RASGRP2: variants seen among roughly 807,000 people sequenced by gnomAD.
RASGRP2 encodes RAS guanyl releasing protein 2, also known as RAS guanyl-releasing protein 2.
Under a neutral mutation model 71.0 loss-of-function variants are expected in RASGRP2, and 44 were observed. The ratio of observed to expected loss-of-function variants is 0.62; its 90% CI spans 0.49 to 0.80. The LOEUF is 0.80. Ranked by LOEUF, RASGRP2 falls within the 30% of genes least tolerant of loss-of-function variation. RASGRP2 has a pLI of 0.00. For missense variants in RASGRP2, 663 were observed against 813.4 expected (o/e 0.82, Z 2.25); for synonymous variants, 350 against 330.7 (o/e 1.06, Z -0.63).
intron 5 of RASGRP2, chr11:64,740,610 C>A: frequency 1.5e-6 from 1 of 656,340 alleles, no homozygotes; most frequent in South Asian, 1.7e-5. Flanking sequence ...ACGGAGACTT[C>A]ATGCCTGAAC....
In RASGRP2 at chr11:64,743,144, C is replaced by G. The variant is rs755454406; in HGVS notation, c.-71-207G>C. The G allele has an allele frequency of 3.1e-6, 2 of 654,342 alleles. No homozygotes were observed. The highest frequency in any genetic ancestry group is 3.0e-5 in the South Asian group (2 of 66,490). The allele number at this position is 654,342 out of a possible 1,614,324, so 40.5% of individuals were successfully genotyped here. A position where few individuals can be genotyped will look rare whatever the true frequency, so the allele number is the denominator to read the frequency against. On this transcript the variant is annotated intron_variant, in intron 1 of 16. Transcript: ENST00000394432. The surrounding 1 kb of genome is among the most constrained non-coding windows in gnomAD (Gnocchi z 4.9). ...ACCCGCAGAGAGGCTTCCGGCCCACCCTCGGAGTCGCGGGAAGGCCGAGGG... is the reference window on the plus strand; with the variant it reads ...ACCCGCAGAGAGGCTTCCGGCCCACGCTCGGAGTCGCGGGAAGGCCGAGGG...
At position 64,735,104 on chromosome 11, in the gene RASGRP2, C is replaced by A. The variant is rs1382651506; in HGVS notation, c.1412+8G>T. Reference sequence around the variant, plus strand: ...TTCCCTCTCCCCCAGGTCCCCAGCCCTCCTCACTGGTTCTGGTCGAGGTCC... The same window carrying A: ...TTCCCTCTCCCCCAGGTCCCCAGCCATCCTCACTGGTTCTGGTCGAGGTCC... On this transcript the variant is annotated splice_region_variant and intron_variant, in intron 12 of 16. Coordinates refer to ENST00000394432, the MANE Select transcript of RASGRP2 (RefSeq NM_001098671.2). The surrounding 1 kb of genome is among the most constrained non-coding windows in gnomAD (Gnocchi z 4.2). The A allele has an allele frequency of 6.2e-7, 1 of 1,607,778 alleles. No individual in the cohort carries two copies. Among genetic ancestry groups the A allele is most frequent in the Non-Finnish European group, 8.5e-7 (1 of 1,174,268 alleles).
At chr11:64,736,691 A>G (rs1047485844) in intron 9 of RASGRP2, 62 bp downstream of exon 9, 36 of 1,523,728 alleles carry the variant, frequency 2.4e-5, no homozygotes, top group Middle Eastern at 2.3e-4. Context: ...CACAGCCAGG[A>G]CCTGGGGAAA....
chr11:64,744,594 T>C (rs2058246631), upstream of RASGRP2: 1 of 152,026 alleles, frequency 6.6e-6, no homozygotes, highest in Non-Finnish European at 1.5e-5. Context: ...TTAGCTCTCG[T>C]GGCCGCTGCC....
In RASGRP2 at chr11:64,726,922, T is replaced by G. The variant is rs1592341860; in HGVS notation, c.*216A>C. ...CTAGGCGCTGATGGTGAAGGTTAAT[T>G]ACACGGGCCTTTTTATTCCATCTGG... is the stretch of plus-strand genomic sequence containing the variant. On this transcript the variant is annotated 3_prime_UTR_variant, in exon 17 of 17. Transcript: ENST00000394432. The G allele has an allele frequency of 4.8e-6, 1 of 207,748 alleles. No individual in the cohort carries two copies. The highest frequency in any genetic ancestry group is 1.2e-4 in the East Asian group (1 of 8,314). The allele number at this position is 207,748 out of a possible 1,614,324, so 12.9% of individuals were successfully genotyped here.
At chr11:64,733,030 C>T (rs1297234721) in intron 12 of RASGRP2, among the ~76,000 whole-genome samples, 2 of 151,634 alleles carry the variant, frequency 1.3e-5, no homozygotes, top group South Asian at 2.1e-4. Context: ...GAGGCTGAGG[C>T]ATGAGAATTA....
In RASGRP2 at chr11:64,735,144, G is replaced by GCGC; in HGVS notation, c.1379_1380insGCG (p.Tyr460delinsTer). 1 of 1,614,198 alleles carries GCGC rather than the reference G, an allele frequency of 6.2e-7. No homozygotes were observed. The highest frequency in any genetic ancestry group is 8.5e-7 in the Non-Finnish European group (1 of 1,180,022). ...GGTCGAGGTCCCCAAAGGCGCTGAG[G>GCGC]TAAGGGAAGTTCCCACGGATGATCT... is the stretch of plus-strand genomic sequence containing the variant. On this transcript the variant is annotated stop_gained, in exon 12 of 17. Transcript: ENST00000394432. LOFTEE classifies it high-confidence loss of function. This position sits in a 1 kb window ranked among gnomAD's most constrained non-coding sequence, Gnocchi z 4.2.
chr11:64,735,677 T>C lies in RASGRP2; in HGVS notation c.1174-13A>G, dbSNP rs1418776655. On this transcript the variant is annotated splice_polypyrimidine_tract_variant and intron_variant, in intron 10 of 16. Coordinates refer to ENST00000394432, the MANE Select transcript of RASGRP2 (RefSeq NM_001098671.2). This position sits in a 1 kb window ranked among gnomAD's most constrained non-coding sequence, Gnocchi z 4.2. ...TGGGGCTGGTTGGCTATGGAAATGGTCGGGCCTGAGCTAGGGCCAGAGGCA... is the reference window on the plus strand; with the variant it reads ...TGGGGCTGGTTGGCTATGGAAATGGCCGGGCCTGAGCTAGGGCCAGAGGCA... 6.2e-7 allele frequency: 1 copy of C among 1,605,498 alleles called. No individual in the cohort carries two copies. Among genetic ancestry groups the C allele is most frequent in the Non-Finnish European group, 8.5e-7 (1 of 1,176,888 alleles).
intron 5 of RASGRP2, chr11:64,740,679 T>G: frequency 1.5e-6 from 1 of 651,398 alleles, no homozygotes; most frequent in Non-Finnish European, 2.8e-6. Flanking sequence ...AGCACCATGA[T>G]GAGAAAGGAC....
rs1436301579 is a variant in RASGRP2, at chr11:64,728,901, G to A, written c.1733C>T (p.Ser578Phe). The A allele has an allele frequency of 6.2e-7, 1 of 1,613,022 alleles. No individual in the cohort carries two copies. Reference protein sequence around the residue: ...HSHHHRAFSFSLPRPGRRGSR... With the variant: ...HSHHHRAFSFFLPRPGRRGSR... ...GCCTCGCCTGCCAGGGCGGGGCAGA[G>A]AGAAGCTGAAGGCGCGGTGATGGTG... Residue 578 changes from serine (S) to phenylalanine (F), a missense_variant, in exon 15 of 17, where the codon TCT becomes TTT. Ser to Phe is a radical substitution (Grantham distance 155). Transcript: ENST00000394432.
Position 64,743,580 on chromosome 11 carries a change from G to A in RASGRP2, c.-72+423C>T, listed in dbSNP as rs1249440079. 2.8e-6 allele frequency: 1 copy of A among 363,466 alleles called. No individual in the cohort carries two copies. Among genetic ancestry groups the A allele is most frequent in the East Asian group, 9.1e-5 (1 of 11,040 alleles). The allele number at this position is 363,466 out of a possible 1,614,324, so 22.5% of individuals were successfully genotyped here. A position where few individuals can be genotyped will look rare whatever the true frequency, so the allele number is the denominator to read the frequency against. ...CAGGAGGCGTCAGCGGGAAGCCTGA[G>A]CCTGGGAACTGAGCGCTCCCAGGCC... On this transcript the variant is annotated intron_variant, in intron 1 of 16. Transcript: ENST00000394432. The surrounding 1 kb of genome is among the most constrained non-coding windows in gnomAD (Gnocchi z 4.9).
At position 64,743,914 on chromosome 11, in the gene RASGRP2, G is replaced by A; in HGVS notation, c.-72+89C>T. ...CCGCACTTACACGCACCGGGCCACA[G>A]GCACCGGCCTCCCATCCTCCGTCTC... On this transcript the variant is annotated intron_variant, in intron 1 of 16. Transcript: ENST00000394432. The surrounding 1 kb of genome is among the most constrained non-coding windows in gnomAD (Gnocchi z 4.9). 3 of 936,032 alleles carry A rather than the reference G, an allele frequency of 3.2e-6. No individual in the cohort carries two copies. The highest frequency in any genetic ancestry group is 3.9e-6 in the Non-Finnish European group (3 of 775,260). 58.0% of individuals were successfully genotyped at this position (936,032 alleles called of 1,614,324 possible).
chr11:64,741,796 T>A (rs1217143671), intron 3 of RASGRP2, among the ~76,000 whole-genome samples: 1 of 152,002 alleles, frequency 6.6e-6, no homozygotes, highest in African/African-American at 2.4e-5. Context: ...GGGCAAGGCC[T>A]CGGCTGGGGA....
chr11:64,729,534 G>A (rs926269003), intron 14 of RASGRP2, among the ~76,000 whole-genome samples: 43 of 151,926 alleles, frequency 2.8e-4, no homozygotes, highest in African/African-American at 9.4e-4. Context: ...GCGGGGTTGC[G>A]CTATGTTGGT....
Position 64,743,496 on chromosome 11 carries a change from A to G in RASGRP2, c.-72+507T>C. 8.6e-6 allele frequency: 3 copies of G among 347,950 alleles called. No individual in the cohort carries two copies. Among genetic ancestry groups the G allele is most frequent in the South Asian group, 6.3e-5 (3 of 47,966 alleles). 21.6% of individuals were successfully genotyped at this position (347,950 alleles called of 1,614,324 possible). A position where few individuals can be genotyped will look rare whatever the true frequency, so the allele number is the denominator to read the frequency against. The stretch of plus-strand genomic sequence containing the variant: ...CGGCAGCCCCCAGGGGGCCTGCCCT[A>G]GGGGAGGCGGACTGGATGGGAGAGG... On this transcript the variant is annotated intron_variant, in intron 1 of 16. Coordinates refer to ENST00000394432, the MANE Select transcript of RASGRP2 (RefSeq NM_001098671.2). This position sits in a 1 kb window ranked among gnomAD's most constrained non-coding sequence, Gnocchi z 4.9.
chr11:64,736,024 A>T (rs556356), intron 9 of RASGRP2, 44 bp from the exon 10 acceptor site: 1 of 1,569,386 alleles, frequency 6.4e-7, no homozygotes. Flanking sequence ...CCCTGCCCAC[A>T]GCCACAGAGC....
chr11:64,736,689 G>A lies in RASGRP2; in HGVS notation c.1095+64C>T, dbSNP rs544106313. ...GAGCCCCAGGCCACGCCCACAGCCA[G>A]GACCTGGGGAAACTGTCAACCCCTG... On this transcript the variant is annotated intron_variant, in intron 9 of 16. Coordinates refer to ENST00000394432, the MANE Select transcript of RASGRP2 (RefSeq NM_001098671.2). 5.5e-5 allele frequency: 84 copies of A among 1,522,016 alleles called. No homozygotes were observed. The African/African-American group carries it at 1.1e-3, about 19-fold the overall frequency. 94.3% of individuals were successfully genotyped at this position (1,522,016 alleles called of 1,614,324 possible). A position where few individuals can be genotyped will look rare whatever the true frequency, so the allele number is the denominator to read the frequency against.
chr11:64,729,653 A>C, intron 14 of RASGRP2, 109 bp downstream of exon 14: 1 of 1,360,854 alleles, frequency 7.3e-7, no homozygotes, highest in East Asian at 2.3e-5. Flanking sequence ...CTCTGATTTT[A>C]AGGTACTTCA....
chr11:64,742,723 C>T lies in RASGRP2; in HGVS notation c.73+71G>A. ...GTCAGGGCTGTGCCCTGGACTGTGCCTGGGAGGCAGGGACCCGGGCTCAGA... is the reference window on the plus strand; with the variant it reads ...GTCAGGGCTGTGCCCTGGACTGTGCTTGGGAGGCAGGGACCCGGGCTCAGA... On this transcript the variant is annotated intron_variant, in intron 2 of 16. Coordinates refer to ENST00000394432, the MANE Select transcript of RASGRP2 (RefSeq NM_001098671.2). The surrounding 1 kb of genome is among the most constrained non-coding windows in gnomAD (Gnocchi z 4.7). 1 of 1,552,356 alleles carries T rather than the reference C, an allele frequency of 6.4e-7. No homozygotes were observed. Among genetic ancestry groups the T allele is most frequent in the Non-Finnish European group, 8.7e-7 (1 of 1,147,634 alleles).
Sources: allele counts gnomAD v4.1 joint callset (sites outside exome capture counted in the v4.1 genomes callset), GRCh38; gene constraint gnomAD v4.1.1; non-coding constraint Gnocchi (gnomAD v3.1); transcripts MANE v1.5; gene names NCBI Gene and HGNC (gene_info 2026-07-23, HGNC 2026-07-21).